Variants in CHSY1 observed in about 807,000 individuals in gnomAD.
The protein encoded by CHSY1 is chondroitin sulfate synthase 1, also known as N-acetylgalactosaminyl-proteoglycan 3-beta-glucuronosyltransferase 1.
In CHSY1, 13 loss-of-function variants were observed where a neutral mutation model predicts 59.8. That is an observed-to-expected ratio of 0.22 (90% CI 0.14 to 0.35). The LOEUF (loss-of-function observed/expected upper bound fraction) is 0.35. Among genes scored for constraint, CHSY1 ranks in the 10% least tolerant of loss-of-function variants. The pLI is 1.00. For synonymous variants in CHSY1, 459 were observed against 401.2 expected (o/e 1.14, Z -1.72); for missense variants, 947 against 1,030.6 (o/e 0.92, Z 1.11).
Position 101,177,322 on chromosome 15 carries a change from T to C in CHSY1, c.*66A>G. 1 of 1,506,594 alleles carries C rather than the reference T, an allele frequency of 6.6e-7. No homozygotes were observed. Among genetic ancestry groups the C allele is most frequent in the Non-Finnish European group, 9.0e-7 (1 of 1,108,972 alleles). 93.3% of individuals were successfully genotyped at this position (1,506,594 alleles called of 1,614,324 possible). A position where few individuals can be genotyped will look rare whatever the true frequency, so the allele number is the denominator to read the frequency against. ...CTTGTATACGGACTTCAAAAACTGA[T>C]CATACAAAAAATTTTTGAAAAATAA... is the stretch of plus-strand genomic sequence containing the variant. On this transcript the variant is annotated 3_prime_UTR_variant, in exon 3 of 3. Transcript: ENST00000254190.
chr15:101,196,064 C>A (rs146500581), intron 2 of CHSY1, among the ~76,000 whole-genome samples: 1 of 151,728 alleles, frequency 6.6e-6, no homozygotes, highest in African/African-American at 2.4e-5. Context: ...GCTTGGCTAA[C>A]GTGGTGAAAC....
chr15:101,211,661 A>C (rs1462960861), intron 2 of CHSY1, among the ~76,000 whole-genome samples: 1 of 152,212 alleles, frequency 6.6e-6, no homozygotes, highest in Non-Finnish European at 1.5e-5. Flanking sequence ...TGGGCACATC[A>C]TAATAGGACT....
chr15:101,228,158 T>C (rs1186320620), intron 2 of CHSY1, among the ~76,000 whole-genome samples: 1 of 151,682 alleles, frequency 6.6e-6, no homozygotes, highest in African/African-American at 2.4e-5. Context: ...ACAACAGAGT[T>C]GAACAGGCAG....
At chr15:101,191,967 GAGGT>G (rs1367161231) in intron 2 of CHSY1, among the ~76,000 whole-genome samples, 2 of 151,980 alleles carry the variant, frequency 1.3e-5, no homozygotes, top group South Asian at 2.1e-4. Flanking sequence ...TTTGTGGAAA[GAGGT>G]AGGTGGAAAT....
intron 2 of CHSY1, among the ~76,000 whole-genome samples, chr15:101,207,735 T>C (rs1423003371): frequency 6.6e-6 from 1 of 152,218 alleles, no homozygotes; most frequent in African/African-American, 2.4e-5. Context: ...CCTCTGAGAA[T>C]GAGGGCTGCG....
intron 2 of CHSY1, among the ~76,000 whole-genome samples, chr15:101,181,865 T>C (rs900732677): frequency 5.3e-5 from 8 of 152,190 alleles, no homozygotes; most frequent in African/African-American, 1.9e-4. Context: ...TAACTACTAA[T>C]AGCCTACTGT....
chr15:101,212,123 A>C (rs1461181800), intron 2 of CHSY1, among the ~76,000 whole-genome samples: 6 of 152,188 alleles, frequency 3.9e-5, no homozygotes, highest in African/African-American at 1.4e-4. Context: ...TGCACTACAC[A>C]CCCATCAGAA....
chr15:101,217,963 A>T (rs1387463236), intron 2 of CHSY1, among the ~76,000 whole-genome samples: 3 of 152,354 alleles, frequency 2.0e-5, no homozygotes, highest in Non-Finnish European at 2.9e-5. Context: ...ATCAAGGTCA[A>T]CATCAACAAC....
chr15:101,231,312 A>T (rs1210228967), intron 2 of CHSY1, among the ~76,000 whole-genome samples: 1 of 152,236 alleles, frequency 6.6e-6, no homozygotes, highest in Non-Finnish European at 1.5e-5. Context: ...CATAGATGGT[A>T]GGTATTACGC....
chr15:101,219,056 G>A (rs1318459214), intron 2 of CHSY1, among the ~76,000 whole-genome samples: 1 of 152,164 alleles, frequency 6.6e-6, no homozygotes, highest in East Asian at 1.9e-4. Context: ...TCTACAAGCA[G>A]TACAACCTCG....
At chr15:101,245,669 T>C (rs1040438094) in intron 1 of CHSY1, among the ~76,000 whole-genome samples, 2 of 152,166 alleles carry the variant, frequency 1.3e-5, no homozygotes, top group Non-Finnish European at 2.9e-5. Flanking sequence ...CTGGAATCAA[T>C]CCGCTATTGA....
chr15:101,224,328 T>C (rs138874268), intron 2 of CHSY1, among the ~76,000 whole-genome samples: 12 of 152,146 alleles, frequency 7.9e-5, no homozygotes, highest in Non-Finnish European at 1.2e-4. Flanking sequence ...CTATCAAACA[T>C]ATGACTGGGG....
At chr15:101,200,829 G>A (rs986468207) in intron 2 of CHSY1, among the ~76,000 whole-genome samples, 2 of 152,048 alleles carry the variant, frequency 1.3e-5, no homozygotes, top group Non-Finnish European at 2.9e-5. Context: ...GGAATAATTC[G>A]ACCCACCCCA....
rs1240731800 is a variant in CHSY1 at position 101,235,627 on chromosome 15, T to C, written c.321-50A>G. On this transcript the variant is annotated intron_variant, in intron 1 of 2. Transcript: ENST00000254190. Reference sequence around the variant, plus strand: ...AGAGAACAGTTTATTCCAAGCTGATTTTCAGGAATTCACGTTATCTGCTCA... The same window carrying C: ...AGAGAACAGTTTATTCCAAGCTGATCTTCAGGAATTCACGTTATCTGCTCA... The C allele has an allele frequency of 4.4e-6, 7 of 1,582,132 alleles. No homozygotes were observed. The South Asian group carries it at 7.7e-5, about 17-fold the overall frequency.
intron 2 of CHSY1, among the ~76,000 whole-genome samples, chr15:101,231,763 T>A (rs2038895163): frequency 1.3e-5 from 2 of 152,222 alleles, no homozygotes; most frequent in East Asian, 3.8e-4. Flanking sequence ...GTTACTTAAG[T>A]CAATTTTCTT....
chr15:101,177,152 G>T lies in CHSY1; in HGVS notation c.*236C>A. 2.2e-6 allele frequency: 1 copy of T among 446,378 alleles called. No homozygotes were observed. Among genetic ancestry groups the T allele is most frequent in the Non-Finnish European group, 4.0e-6 (1 of 252,822 alleles). The allele number at this position is 446,378 out of a possible 1,614,324, so 27.7% of individuals were successfully genotyped here. ...TTTTTAAAAAAGTTTTGTTCATCAG[G>T]TACATTTCAAGTCAAAGTTAAGCAG... On this transcript the variant is annotated 3_prime_UTR_variant, in exon 3 of 3. Coordinates refer to ENST00000254190, the MANE Select transcript of CHSY1 (RefSeq NM_014918.5).
Position 101,178,562 on chromosome 15 carries a change from A to G in CHSY1, c.1235T>C (p.Val412Ala). 1 of 1,614,144 alleles carries G rather than the reference A, an allele frequency of 6.2e-7. No homozygotes were observed. Among genetic ancestry groups the G allele is most frequent in the Non-Finnish European group, 8.5e-7 (1 of 1,180,016 alleles). The change falls in exon 3 of 3, where the codon GTC becomes GCC. Residue 412 changes from valine to alanine, a missense_variant. By Grantham distance (64) the Val-to-Ala change is moderately conservative (BLOSUM62 0). Around this residue, in one of 4 missense-constraint regions of CHSY1, gnomAD observed 602 missense variants for 676.9 expected, o/e 0.89. Coordinates refer to ENST00000254190, the MANE Select transcript of CHSY1 (RefSeq NM_014918.5). ...GGCGTTGGCATTGATCATCTCCATG[A>G]CCTGCATGACAATGTCGTCCAAGGC... ...REALDDIVMQ[V>A]MEMINANAKT...
At chr15:101,183,383 G>C (rs1258467452) in intron 2 of CHSY1, among the ~76,000 whole-genome samples, 1 of 152,164 alleles carries the variant, frequency 6.6e-6, no homozygotes, top group Non-Finnish European at 1.5e-5. Context: ...CAAATAATCA[G>C]AAATGGAAAT....
intron 2 of CHSY1, chr15:101,186,909 A>T (rs2038377457): frequency 6.6e-6 from 1 of 152,242 alleles, no homozygotes; most frequent in Non-Finnish European, 1.5e-5. Flanking sequence ...GAATTCAAAG[A>T]TCTTATGTGA....
Sources: gnomAD v4.1 joint callset for allele counts (sites outside exome capture counted in the v4.1 genomes callset) on GRCh38, gnomAD v4.1.1 for gene constraint, gnomAD v4.1.1 regional missense constraint, MANE v1.5 for transcripts, NCBI Gene and HGNC (gene_info 2026-07-23, HGNC 2026-07-21) for gene names.